The following ASTN1 variants were observed in gnomAD, a reference collection of about 807,000 sequenced individuals.
ASTN1 encodes the protein astrotactin 1.
Under a neutral mutation model 140.7 loss-of-function variants are expected in ASTN1, and 41 were observed. The ratio of observed to expected loss-of-function variants is 0.29; its 90% confidence interval spans 0.23 to 0.38. The LOEUF (loss-of-function observed/expected upper bound fraction) is 0.38, where lower values mean the gene tolerates loss of function less well. Among genes scored for constraint, ASTN1 ranks in the 10% least tolerant of loss-of-function variants. ASTN1 has a pLI of 1.00. For synonymous variants in ASTN1, 640 were observed against 652.2 expected, an observed-to-expected ratio of 0.98 and a Z score of 0.29; for missense variants, 1,479 against 1,678.8, an observed-to-expected ratio of 0.88 and a Z score of 2.08.
At chr1:177,123,226 T>C (rs1681485697) in intron 1 of ASTN1, among the ~76,000 whole-genome samples, 1 of 152,118 alleles carries the variant, frequency 6.6e-6, no homozygotes, top group Non-Finnish European at 1.5e-5. Flanking sequence ...ACCCTCTCAG[T>C]ACAGGTGATG....
chr1:176,938,985 G>T (rs1238680861), intron 14 of ASTN1, among the ~76,000 whole-genome samples: 4 of 151,880 alleles, frequency 2.6e-5, no homozygotes, highest in Non-Finnish European at 5.9e-5. Flanking sequence ...ACAGCTGGGT[G>T]CCTGTAGTCC....
At chr1:176,965,359 T>G in intron 8 of ASTN1, 122 bp from the exon 9 acceptor site, 2 of 826,540 alleles carry the variant, frequency 2.4e-6, no homozygotes, top group African/African-American at 1.7e-5. Flanking sequence ...GCCTCTGCCC[T>G]CAAGAAGCTC....
intron 8 of ASTN1, among the ~76,000 whole-genome samples, chr1:176,980,360 C>G (rs909486224): frequency 6.6e-6 from 1 of 152,034 alleles, no homozygotes; most frequent in Non-Finnish European, 1.5e-5. Context: ...GGCCTGAGGA[C>G]AGTGGACAGG....
chr1:176,898,052 C>T (rs2103043259), intron 16 of ASTN1, among the ~76,000 whole-genome samples: 1 of 152,292 alleles, frequency 6.6e-6, no homozygotes. Flanking sequence ...TGGGTCCTGT[C>T]ATAGCTGTAA....
At chr1:177,066,261 G>A (rs1678347835) in intron 1 of ASTN1, among the ~76,000 whole-genome samples, 1 of 152,152 alleles carries the variant, frequency 6.6e-6, no homozygotes, top group Non-Finnish European at 1.5e-5. Context: ...TCAGGCTGGT[G>A]AGAAGGGCTC....
At position 176,863,553 on chromosome 1, in the gene ASTN1, C is replaced by G. The variant is rs936058136; in HGVS notation, c.*731G>C. 1.0e-6 allele frequency: 1 copy of G among 985,272 alleles called. No homozygotes were observed. The highest frequency in any genetic ancestry group is 1.7e-5 in the African/African-American group (1 of 57,228). The allele number at this position is 985,272 out of a possible 1,614,324, so 61.0% of individuals were successfully genotyped here. On this transcript the variant is annotated 3_prime_UTR_variant, in exon 23 of 23. Transcript: ENST00000361833. ...TGCAGTTGACAGATGGCATCTTGTT[C>G]CCTCTCAAAGATCATGTTGTTCAGA...
chr1:177,091,283 G>T (rs1027638200), intron 1 of ASTN1, among the ~76,000 whole-genome samples: 1 of 152,126 alleles, frequency 6.6e-6, no homozygotes, highest in Admixed American at 6.5e-5. Context: ...CTTTTAGTAC[G>T]TGACATTCTG....
intron 1 of ASTN1, among the ~76,000 whole-genome samples, chr1:177,126,349 T>C (rs939551177): frequency 2.6e-5 from 4 of 152,164 alleles, no homozygotes; most frequent in Admixed American, 6.5e-5. Context: ...CAGATCCTCC[T>C]TCCCTTGGCT....
chr1:176,910,436 G>A (rs1670184773), intron 16 of ASTN1, among the ~76,000 whole-genome samples: 2 of 152,132 alleles, frequency 1.3e-5, no homozygotes, highest in Non-Finnish European at 2.9e-5. Flanking sequence ...CAAAGTTATT[G>A]AATGTCCACT....
At chr1:176,944,496 A>G (rs1671870454) in intron 13 of ASTN1, among the ~76,000 whole-genome samples, 1 of 152,166 alleles carries the variant, frequency 6.6e-6, no homozygotes, top group South Asian at 2.1e-4. Flanking sequence ...CCTGAGCTCA[A>G]GCGAACCACC....
At chr1:177,006,799 G>T (rs747888588) in intron 8 of ASTN1, among the ~76,000 whole-genome samples, 9 of 152,160 alleles carry the variant, frequency 5.9e-5, no homozygotes, top group African/African-American at 9.7e-5. Flanking sequence ...TCCTCTGGGG[G>T]TAGACAGCAC....
At position 176,863,104 on chromosome 1, in the gene ASTN1, T is replaced by C; in HGVS notation, c.*1180A>G. On this transcript the variant is annotated 3_prime_UTR_variant, in exon 23 of 23. Coordinates refer to ENST00000361833, the MANE Select transcript of ASTN1 (RefSeq NM_004319.3). Reference sequence around the variant, plus strand: ...GGGCAGTGGGATGGAAACAACACTCTAGATGTTAACTGCAATCAGTGGTGC... The same window carrying C: ...GGGCAGTGGGATGGAAACAACACTCCAGATGTTAACTGCAATCAGTGGTGC... 1.0e-6 allele frequency: 1 copy of C among 985,558 alleles called. No homozygotes were observed. Among genetic ancestry groups the C allele is most frequent in the Non-Finnish European group, 1.2e-6 (1 of 829,846 alleles). The allele number at this position is 985,558 out of a possible 1,614,324, so 61.1% of individuals were successfully genotyped here.
At chr1:177,033,543 C>T (rs1438124554) in intron 2 of ASTN1, among the ~76,000 whole-genome samples, 1 of 152,180 alleles carries the variant, frequency 6.6e-6, no homozygotes, top group African/African-American at 2.4e-5. Context: ...ATTGACAAAT[C>T]TGAATAGAAA....
chr1:177,051,636 TG>T (rs1303353524), intron 2 of ASTN1, among the ~76,000 whole-genome samples: 1 of 152,212 alleles, frequency 6.6e-6, no homozygotes, highest in African/African-American at 2.4e-5. Flanking sequence ...CCCATGGGTA[TG>T]AGTTTGTGAT....
chr1:177,080,300 C>T (rs1435308432), intron 1 of ASTN1, among the ~76,000 whole-genome samples: 1 of 135,724 alleles, frequency 7.4e-6, no homozygotes, highest in Non-Finnish European at 1.6e-5. Context: ...ACACTCTCAA[C>T]TAAGACTTTG....
intron 21 of ASTN1, among the ~76,000 whole-genome samples, chr1:176,869,815 G>A (rs1054215321): frequency 2.6e-5 from 4 of 152,150 alleles, no homozygotes; most frequent in Non-Finnish European, 5.9e-5. Context: ...TGGGTGGTGC[G>A]CATTCGGCTC....
intron 2 of ASTN1, among the ~76,000 whole-genome samples, chr1:177,042,802 C>T (rs1432219866): frequency 6.6e-6 from 1 of 152,214 alleles, no homozygotes; most frequent in African/African-American, 2.4e-5. Context: ...AAGAAGCCCA[C>T]CACTGTGGTC....
intron 8 of ASTN1, among the ~76,000 whole-genome samples, chr1:177,001,908 CA>C (rs1438346317): frequency 6.6e-6 from 1 of 152,174 alleles, no homozygotes; most frequent in Non-Finnish European, 1.5e-5. Flanking sequence ...CTTTCAAAGT[CA>C]GCCTTCTTTT....
intron 3 of ASTN1, 111 bp downstream of exon 3, chr1:177,032,345 C>T (rs1056993660): frequency 1.4e-6 from 2 of 1,410,890 alleles, no homozygotes; most frequent in Non-Finnish European, 1.9e-6. Context: ...AGGGCACTGC[C>T]ACATCACACT....
Sources: allele counts gnomAD v4.1 joint callset (sites outside exome capture counted in the v4.1 genomes callset), GRCh38; gene constraint gnomAD v4.1.1; transcripts MANE v1.5; gene names NCBI Gene and HGNC (gene_info 2026-07-23, HGNC 2026-07-21).